ABI3BP: variants seen among roughly 807,000 people sequenced by gnomAD.
The protein encoded by ABI3BP is ABI family member 3 binding protein, also known as target of Nesh-SH3.
Under a neutral mutation model 268.6 loss-of-function variants are expected in ABI3BP, and 216 were observed. The ratio of observed to expected loss-of-function variants is 0.80; its 90% CI spans 0.72 to 0.90. ABI3BP has a LOEUF of 0.90. Among genes scored for constraint, ABI3BP ranks in the 40% least tolerant of loss-of-function variants. The probability of loss-of-function intolerance (pLI) is 0.00; values close to 1 mark genes in which losing one functional copy is unlikely to be tolerated. For synonymous variants in ABI3BP, 730 were observed against 730.0 expected, an observed-to-expected ratio of 1.00 and a Z score of 0.00; for missense variants, 2,090 against 2,182.4, an observed-to-expected ratio of 0.96 and a Z score of 0.84.
At chr3:100,928,789 G>A (rs1174797056) in intron 1 of ABI3BP, among the ~76,000 whole-genome samples, 2 of 151,922 alleles carry the variant, frequency 1.3e-5, no homozygotes, top group Non-Finnish European at 1.5e-5. Flanking sequence ...CTAGATCTTG[G>A]GCTCTCTCTA....
intron 1 of ABI3BP, among the ~76,000 whole-genome samples, chr3:100,959,663 G>A (rs1220099986): frequency 6.6e-6 from 1 of 151,992 alleles, no homozygotes; most frequent in Non-Finnish European, 1.5e-5. Context: ...TAGGCTCAAA[G>A]GGAAGATCCA....
chr3:100,778,473 G>T, intron 58 of ABI3BP, 97 bp from the exon 59 acceptor site: 1 of 1,057,200 alleles, frequency 9.5e-7, no homozygotes, highest in Non-Finnish European at 1.4e-6. Flanking sequence ...AATAATGTTT[G>T]ATAATTAGCA....
At chr3:100,969,984 T>TA (rs1311516685) in intron 1 of ABI3BP, among the ~76,000 whole-genome samples, 1 of 152,202 alleles carries the variant, frequency 6.6e-6, no homozygotes, top group Non-Finnish European at 1.5e-5. Flanking sequence ...ACATAGGAGT[T>TA]ACAGCATTTC....
In ABI3BP at chr3:100,780,153, T is replaced by C; in HGVS notation, c.4219A>G (p.Thr1407Ala). 1.2e-6 allele frequency: 2 copies of C among 1,612,886 alleles called. No individual in the cohort carries two copies. Among genetic ancestry groups the C allele is most frequent in the South Asian group, 1.1e-5 (1 of 91,020 alleles). ...GADRNVSVDS[T>A]HPTKKPGTRR... ...TTACCTGGCTTTTTAGTGGGGTGGG[T>C]AGAGTCCACTGATACATTTCTATCA... Residue 1407 changes from threonine to alanine, a missense_variant, in exon 58 of 68, where the codon ACC becomes GCC. By Grantham distance (58) the Thr-to-Ala change is moderately conservative. Coordinates refer to ENST00000471714, the MANE Select transcript of ABI3BP (RefSeq NM_001375547.2).
intron 1 of ABI3BP, among the ~76,000 whole-genome samples, chr3:100,959,691 G>A (rs2078263918): frequency 6.6e-6 from 1 of 151,960 alleles, no homozygotes; most frequent in South Asian, 2.1e-4. Flanking sequence ...GGGTAGGATA[G>A]AACAGACATT....
At chr3:100,957,793 T>A (rs760047403) in intron 1 of ABI3BP, among the ~76,000 whole-genome samples, 1 of 152,212 alleles carries the variant, frequency 6.6e-6, no homozygotes, top group Non-Finnish European at 1.5e-5. Context: ...ACAGCTCAGC[T>A]CCTGATGCAG....
At chr3:100,885,994 A>G (rs1420817325) in intron 5 of ABI3BP, 148 bp downstream of exon 5, 1 of 569,868 alleles carries the variant, frequency 1.8e-6, no homozygotes, top group Non-Finnish European at 2.8e-6. Context: ...AATGCTCAAT[A>G]TATCTTCTTT....
intron 9 of ABI3BP, among the ~76,000 whole-genome samples, chr3:100,874,233 A>G (rs2099138543): frequency 1.3e-5 from 2 of 152,182 alleles, no homozygotes; most frequent in Non-Finnish European, 2.9e-5. Flanking sequence ...TAAGCCCTCC[A>G]GGTGCTCCTG....
intron 4 of ABI3BP, among the ~76,000 whole-genome samples, chr3:100,894,762 AC>A (rs1170713717): frequency 6.6e-6 from 1 of 151,720 alleles, no homozygotes; most frequent in Non-Finnish European, 1.5e-5. Flanking sequence ...ACACGGTGAA[AC>A]CCCACCTGTA....
intron 6 of ABI3BP, among the ~76,000 whole-genome samples, chr3:100,881,002 C>T (rs1168810001): frequency 6.6e-6 from 1 of 152,006 alleles, no homozygotes; most frequent in Admixed American, 6.6e-5. Flanking sequence ...CACATGAGAA[C>T]TTGGGCATAT....
intron 2 of ABI3BP, chr3:100,912,278 A>T (rs2056895905): frequency 1.1e-5 from 1 of 89,130 alleles, no homozygotes; most frequent in Non-Finnish European, 2.5e-5. Context: ...CTCTTTTGTA[A>T]AAAAAAAAAA....
intron 38 of ABI3BP, among the ~76,000 whole-genome samples, chr3:100,821,687 C>A (rs1046402420): frequency 6.7e-6 from 1 of 150,068 alleles, no homozygotes; most frequent in African/African-American, 2.5e-5. Flanking sequence ...ACTGCAACCT[C>A]CACCTCCTGG....
chr3:100,863,695 CTCTGT>C (rs2099022396), intron 12 of ABI3BP: 1 of 256,266 alleles, frequency 3.9e-6, no homozygotes, highest in Admixed American at 4.9e-5. Context: ...AATATATCTT[CTCTGT>C]TAAGAGAGAC....
chr3:100,749,873 T>C lies in ABI3BP; in HGVS notation c.*622A>G. On this transcript the variant is annotated 3_prime_UTR_variant, in exon 68 of 68. Transcript: ENST00000471714. ...GAAATGAAATTTACTGATTCAATCT[T>C]TTTAAGAATTTGTGGATGTTTAAAG... 1 of 395,838 alleles carries C rather than the reference T, an allele frequency of 2.5e-6. No individual in the cohort carries two copies. The highest frequency in any genetic ancestry group is 4.5e-6 in the Non-Finnish European group (1 of 224,652). 24.5% of individuals were successfully genotyped at this position (395,838 alleles called of 1,614,324 possible).
chr3:100,847,495 C>T (rs2098783990), intron 19 of ABI3BP, 107 bp downstream of exon 19: 3 of 972,718 alleles, frequency 3.1e-6, no homozygotes, highest in South Asian at 2.8e-5. Flanking sequence ...TTCAAATGAA[C>T]CGTTTTGAGT....
At chr3:100,787,685 T>TA in intron 57 of ABI3BP, 43 bp downstream of exon 57, 1 of 1,412,742 alleles carries the variant, frequency 7.1e-7, no homozygotes, top group Non-Finnish European at 9.4e-7. Context: ...ATAACACTTA[T>TA]AGTTTTGACA....
chr3:100,810,415 G>A lies in ABI3BP; in HGVS notation c.3604C>T (p.Pro1202Ser). 2.6e-6 allele frequency: 4 copies of A among 1,532,904 alleles called. No individual in the cohort carries two copies. The highest frequency in any genetic ancestry group is 2.4e-5 in the South Asian group (2 of 83,938). 95.0% of individuals were successfully genotyped at this position (1,532,904 alleles called of 1,614,324 possible). A position where few individuals can be genotyped will look rare whatever the true frequency, so the allele number is the denominator to read the frequency against. ...ACATACAAAATAATGTATTTACCAGGTTCAGTCTGAGGCTCATCTGGGCTG... is the reference window on the plus strand; with the variant it reads ...ACATACAAAATAATGTATTTACCAGATTCAGTCTGAGGCTCATCTGGGCTG... ...LPSPDEPQTE[P>S]APKQTPRAPP... The change falls in exon 49 of 68, where the codon CCT becomes TCT. Residue 1202 changes from proline (P) to serine (S), a missense_variant. Coordinates refer to ENST00000471714, the MANE Select transcript of ABI3BP (RefSeq NM_001375547.2).
chr3:100,911,943 T>C, intron 2 of ABI3BP: 1 of 1,051,698 alleles, frequency 9.5e-7, no homozygotes, highest in Non-Finnish European at 1.5e-6. Context: ...CTTCAGTGCT[T>C]GCTCATTTAC....
rs1265569304 is a variant in ABI3BP at position 100,815,973 on chromosome 3, T to G, written c.3230-2A>C. 1 of 1,514,316 alleles carries G rather than the reference T, an allele frequency of 6.6e-7. No homozygotes were observed. The highest frequency in any genetic ancestry group is 1.4e-5 in the African/African-American group (1 of 71,716). 93.8% of individuals were successfully genotyped at this position (1,514,316 alleles called of 1,614,324 possible). A position where few individuals can be genotyped will look rare whatever the true frequency, so the allele number is the denominator to read the frequency against. ...CAGGTTCAAAGCCTGTAACAGAAAC[T>G]AACCAAAAGCAACAACATGAATACA... On this transcript the variant is annotated splice_acceptor_variant, in intron 43 of 67. Transcript: ENST00000471714. LOFTEE classifies it high-confidence loss of function.
Sources: gnomAD v4.1 joint callset for allele counts (sites outside exome capture counted in the v4.1 genomes callset) on GRCh38, gnomAD v4.1.1 for gene constraint, MANE v1.5 for transcripts, NCBI Gene and HGNC (gene_info 2026-07-23, HGNC 2026-07-21) for gene names.